Variants in PRKN observed in about 807,000 individuals in gnomAD.
PRKN encodes the protein parkin RBR E3 ubiquitin protein ligase, also known as E3 ubiquitin-protein ligase parkin.
PRKN carries 56 observed loss-of-function variants against 59.5 expected under a neutral mutation model. That is an observed-to-expected ratio of 0.94 (90% CI 0.76 to 1.18). The LOEUF is 1.18. Among genes scored for constraint, PRKN ranks in the 50% most tolerant of loss-of-function variants. The probability of loss-of-function intolerance (pLI) is 0.00; values close to 1 mark genes in which losing one functional copy is unlikely to be tolerated. For missense variants in PRKN, 657 were observed against 596.4 expected, an observed-to-expected ratio of 1.10 and a Z score of -1.06; for synonymous variants, 250 against 222.1, an observed-to-expected ratio of 1.13 and a Z score of -1.12.
At chr6:162,555,149 G>A (rs575460195) in intron 1 of PRKN, among the ~76,000 whole-genome samples, 1 of 152,136 alleles carries the variant, frequency 6.6e-6, no homozygotes. Flanking sequence ...GTCAATAATG[G>A]CTATATATAT....
chr6:162,214,114 G>A (rs369447517), intron 3 of PRKN, among the ~76,000 whole-genome samples: 6 of 151,972 alleles, frequency 3.9e-5, no homozygotes, highest in South Asian at 2.1e-4. Flanking sequence ...ATACACACAC[G>A]AACACCAAGG....
Position 161,852,161 on chromosome 6 carries a change from T to C in PRKN, c.735-66253A>G, listed in dbSNP as rs187122533. On this transcript the variant is annotated intron_variant, in intron 6 of 11. Coordinates refer to ENST00000366898, the MANE Select transcript of PRKN (RefSeq NM_004562.3). ...GAGGGAATTTTTTAAATAAACAACC[T>C]TTCAACAGGAAGACAGAGAAGAAAT... Among the ~76,000 whole-genome samples, 187 of 151,252 alleles carry C rather than the reference T, an allele frequency of 1.2e-3. 1 individual carries two copies. Among genetic ancestry groups the C allele is most frequent in the Non-Finnish European group, 1.7e-3 (118 of 67,906 alleles).
intron 9 of PRKN, among the ~76,000 whole-genome samples, chr6:161,516,566 G>A (rs371720983): frequency 1.3e-5 from 2 of 149,514 alleles, no homozygotes; most frequent in African/African-American, 2.5e-5. Context: ...GGTGGCTCAC[G>A]CCTGCAATCT....
chr6:162,127,561 C>A (rs952013202), intron 4 of PRKN, among the ~76,000 whole-genome samples: 2 of 152,018 alleles, frequency 1.3e-5, no homozygotes, highest in Non-Finnish European at 2.9e-5. Flanking sequence ...CCAAGTATAG[C>A]CATAGAAAGA....
intron 1 of PRKN, among the ~76,000 whole-genome samples, chr6:162,549,840 C>T (rs2846487): frequency 0.91 from 138,999 of 152,106 alleles, 63,664 homozygotes; most frequent in South Asian, 0.97. Flanking sequence ...GGTTTCACCA[C>T]GTTGGCCAGG....
chr6:161,898,171 C>T (rs556017832), intron 6 of PRKN, among the ~76,000 whole-genome samples: 3 of 151,564 alleles, frequency 2.0e-5, no homozygotes, highest in Non-Finnish European at 2.9e-5. Flanking sequence ...TTGTATTTGC[C>T]AATTTTCCAG....
At chr6:161,851,937 A>G (rs1793452952) in intron 6 of PRKN, among the ~76,000 whole-genome samples, 1 of 151,326 alleles carries the variant, frequency 6.6e-6, no homozygotes, top group Non-Finnish European at 1.5e-5. Context: ...AAATACAAAA[A>G]TTAGCCGGGC....
In PRKN at chr6:162,678,492, T is replaced by C. The variant is rs78931458; in HGVS notation, c.7+49170A>G. ...CATCTTTCAAATTTCAGAATTCTAA[T>C]AGGTGTATAATAGCATTTCATTGTG... On this transcript the variant is annotated intron_variant, in intron 1 of 11. Transcript: ENST00000366898. Among the ~76,000 whole-genome samples the C allele has an allele frequency of 3.8e-3, 583 of 152,330 alleles. 4 individuals are homozygous for C. Among genetic ancestry groups the C allele is most frequent in the African/African-American group, 0.014 (564 of 41,588 alleles).
At chr6:162,712,473 G>A (rs796583472) in intron 1 of PRKN, among the ~76,000 whole-genome samples, 14 of 152,332 alleles carry the variant, frequency 9.2e-5, no homozygotes, top group African/African-American at 3.4e-4. Flanking sequence ...CATCTGGGCT[G>A]TATCACATCA....
At chr6:162,510,820 G>A (rs1777573364) in intron 1 of PRKN, among the ~76,000 whole-genome samples, 1 of 152,118 alleles carries the variant, frequency 6.6e-6, no homozygotes. Context: ...CTACTCGGGA[G>A]GCTGAGGCAG....
intron 7 of PRKN, among the ~76,000 whole-genome samples, chr6:161,680,775 A>ATT (rs869253616): frequency 0.023 from 713 of 30,462 alleles, 36 homozygotes; most frequent in Non-Finnish European, 0.033. Flanking sequence ...ATATATATAT[A>ATT]TTTTTTTTTT....
intron 7 of PRKN, among the ~76,000 whole-genome samples, chr6:161,665,549 C>T (rs1203521309): frequency 6.6e-6 from 1 of 152,170 alleles, no homozygotes; most frequent in African/African-American, 2.4e-5. Context: ...AGGTAGGCTC[C>T]ATGCCGGAAA....
chr6:161,610,043 G>A (rs1304015168), intron 7 of PRKN, among the ~76,000 whole-genome samples: 1 of 152,210 alleles, frequency 6.6e-6, no homozygotes. Flanking sequence ...CAATGACTCA[G>A]AGTGCAGAAT....
At chr6:162,185,867 A>T (rs1784007734) in intron 4 of PRKN, among the ~76,000 whole-genome samples, 1 of 152,094 alleles carries the variant, frequency 6.6e-6, no homozygotes, top group Non-Finnish European at 1.5e-5. Context: ...TGCCTTAGGG[A>T]CTCTACGGAG....
intron 7 of PRKN, chr6:161,715,943 G>C: frequency 2.3e-6 from 1 of 438,128 alleles, no homozygotes; most frequent in Non-Finnish European, 4.4e-6. Context: ...CTCAAATTAT[G>C]ATACTCCACC....
rs79016691 is a variant in PRKN, at chr6:162,389,541, A to C, written c.171+53769T>G. Among the ~76,000 whole-genome samples the C allele has an allele frequency of 2.2e-3, 331 of 152,290 alleles. 5 individuals are homozygous for C. The highest frequency in any genetic ancestry group is 0.016 in the East Asian group (81 of 5,168). ...CACACAGCCCATTTGCATTCCCTCT[A>C]CCCAGTCTAAAAGGTGTCCGATGAT... On this transcript the variant is annotated intron_variant, in intron 2 of 11. Coordinates refer to ENST00000366898, the MANE Select transcript of PRKN (RefSeq NM_004562.3).
intron 6 of PRKN, among the ~76,000 whole-genome samples, chr6:161,809,896 G>A (rs1251824500): frequency 2.0e-5 from 3 of 152,260 alleles, no homozygotes; most frequent in African/African-American, 7.2e-5. Flanking sequence ...CTGCTCTAAA[G>A]CAATGTGGAA....
At chr6:162,320,234 A>G (rs1161992074) in intron 2 of PRKN, among the ~76,000 whole-genome samples, 3 of 151,772 alleles carry the variant, frequency 2.0e-5, no homozygotes, top group Middle Eastern at 3.4e-3. Context: ...GGTTGATTCC[A>G]TATCTTTGCT....
intron 3 of PRKN, among the ~76,000 whole-genome samples, chr6:162,257,986 C>T (rs1299390481): frequency 1.3e-5 from 2 of 152,184 alleles, no homozygotes; most frequent in Non-Finnish European, 2.9e-5. Flanking sequence ...GCTCCACCTG[C>T]TCCAAGCTCC....
Sources: gnomAD v4.1 joint callset for allele counts (sites outside exome capture counted in the v4.1 genomes callset) on GRCh38, gnomAD v4.1.1 for gene constraint, MANE v1.5 for transcripts, NCBI Gene and HGNC (gene_info 2026-07-23, HGNC 2026-07-21) for gene names.